The following CLVS1 variants were observed in gnomAD, a reference collection of about 807,000 sequenced individuals.
CLVS1 encodes clavesin 1, also known as clavesin-1.
In CLVS1, 10 loss-of-function variants were observed where a neutral mutation model predicts 33.1. The ratio of observed to expected loss-of-function variants is 0.30; its 90% CI spans 0.19 to 0.51. CLVS1 has a LOEUF of 0.51. Ranked by LOEUF, CLVS1 falls within the 20% of genes least tolerant of loss-of-function variation. The pLI is 0.97. For synonymous variants in CLVS1, 163 were observed against 166.1 expected, an observed-to-expected ratio of 0.98 and a Z score of 0.14; for missense variants, 343 against 433.4, an observed-to-expected ratio of 0.79 and a Z score of 1.85.
At chr8:61,079,535 T>C (rs1243866348) in intron 1 of CLVS1, among the ~76,000 whole-genome samples, 1 of 152,198 alleles carries the variant, frequency 6.6e-6, no homozygotes, top group Admixed American at 6.5e-5. Flanking sequence ...TCCAGGAACA[T>C]ACTGCCAGGA....
chr8:61,310,639 C>T (rs1810798951), intron 2 of CLVS1, among the ~76,000 whole-genome samples: 1 of 152,202 alleles, frequency 6.6e-6, no homozygotes, highest in African/African-American at 2.4e-5. Context: ...CTCACAGAAA[C>T]CTAGCGAACC....
At chr8:61,493,240 G>A (rs1804156686) in intron 5 of CLVS1, among the ~76,000 whole-genome samples, 1 of 152,102 alleles carries the variant, frequency 6.6e-6, no homozygotes, top group African/African-American at 2.4e-5. Context: ...ATTACATAAT[G>A]TGTCAGTACA....
the CLVS1 span, among the ~76,000 whole-genome samples, chr8:60,968,514 CAAAAAAA>C: frequency 7.8e-6 from 1 of 128,132 alleles, no homozygotes; most frequent in African/African-American, 2.9e-5. Context: ...GACTCCGTTT[CAAAAAAA>C]AAAAAAAAAT....
At chr8:61,352,431 A>G (rs1043553578) in intron 2 of CLVS1, among the ~76,000 whole-genome samples, 1 of 152,030 alleles carries the variant, frequency 6.6e-6, no homozygotes, top group Non-Finnish European at 1.5e-5. Flanking sequence ...GACTTAAGCC[A>G]TAACATAAAA....
At chr8:61,133,093 A>T (rs550236204) in intron 2 of CLVS1, among the ~76,000 whole-genome samples, 1 of 152,302 alleles carries the variant, frequency 6.6e-6, no homozygotes, top group East Asian at 1.9e-4. Flanking sequence ...CTGGAAATGC[A>T]TCTGGGAAGC....
In CLVS1 at chr8:61,419,922, G is replaced by A. The variant is rs56172796; in HGVS notation, c.631-34219G>A. Among the ~76,000 whole-genome samples the A allele has an allele frequency of 7.7e-3, 1,166 of 152,302 alleles. 19 individuals are homozygous for A. Among genetic ancestry groups the A allele is most frequent in the African/African-American group, 0.027 (1,118 of 41,560 alleles). ...ATTTCCTAACCCCTTGATATTTGCT[G>A]TTCACCTATTAGCATTATTAAATAA... On this transcript the variant is annotated intron_variant, in intron 3 of 5. Coordinates refer to ENST00000325897, the MANE Select transcript of CLVS1 (RefSeq NM_173519.3).
At chr8:61,146,240 A>G (rs1806412338) in intron 2 of CLVS1, among the ~76,000 whole-genome samples, 1 of 152,178 alleles carries the variant, frequency 6.6e-6, no homozygotes, top group South Asian at 2.1e-4. Context: ...CACTTTTTTA[A>G]AAGAGGGAAG....
At chr8:61,377,893 G>GTGGCTACATCATA (rs6150608) in intron 3 of CLVS1, 98,419 of 151,938 alleles carry the variant, frequency 0.65, 33,561 homozygotes, top group Non-Finnish European at 0.75. Context: ...ATTGTCCTGG[G>GTGGCTACATCATA]TAGTGTATTT....
chr8:61,340,024 G>A lies in CLVS1; in HGVS notation c.456-36581G>A, dbSNP rs1811967588. Among the ~76,000 whole-genome samples the A allele has an allele frequency of 1.5e-4, 18 of 120,710 alleles. 1 individual carries two copies. Among genetic ancestry groups the A allele is most frequent in the Admixed American group, 1.4e-3 (16 of 11,552 alleles). 79.2% of individuals were successfully genotyped at this position (120,710 alleles called of 152,430 possible). On this transcript the variant is annotated intron_variant, in intron 2 of 5. Transcript: ENST00000325897. ...AAAGAAAGGAAGAAAAAGAAAGAAA[G>A]GAAAAGAAAGAAAAAAGGAAGGAAA...
intron 2 of CLVS1, among the ~76,000 whole-genome samples, chr8:61,235,623 A>T (rs1808541264): frequency 6.6e-6 from 1 of 152,214 alleles, no homozygotes; most frequent in African/African-American, 2.4e-5. Context: ...AGTAGGGGAA[A>T]GGAGAGTTTT....
At chr8:60,996,495 A>G in the CLVS1 span, among the ~76,000 whole-genome samples, 2 of 152,258 alleles carry the variant, frequency 1.3e-5, no homozygotes, top group Non-Finnish European at 2.9e-5. Context: ...ACTTGGTTCC[A>G]GATATAAGAA....
intron 3 of CLVS1, among the ~76,000 whole-genome samples, chr8:61,415,199 A>G (rs1815383655): frequency 6.6e-6 from 1 of 152,176 alleles, no homozygotes; most frequent in South Asian, 2.1e-4. Flanking sequence ...GTTACTTCAC[A>G]TTGGACCCAC....
At chr8:61,494,692 C>T (rs1804208167) in intron 5 of CLVS1, among the ~76,000 whole-genome samples, 1 of 152,130 alleles carries the variant, frequency 6.6e-6, no homozygotes, top group Admixed American at 6.5e-5. Context: ...TCCCTGAGAG[C>T]ATTTTGAATC....
At chr8:61,426,095 T>C (rs966219728) in intron 3 of CLVS1, among the ~76,000 whole-genome samples, 2 of 152,196 alleles carry the variant, frequency 1.3e-5, no homozygotes, top group Non-Finnish European at 2.9e-5. Flanking sequence ...TGAAGAAGCC[T>C]GGCACGCTTC....
intron 4 of CLVS1, among the ~76,000 whole-genome samples, chr8:61,455,178 TTGTGTG>T (rs35160609): frequency 0.012 from 1,714 of 147,536 alleles, 36 homozygotes; most frequent in African/African-American, 0.04. Context: ...TAATTATGAT[TTGTGTG>T]TGTGTGTGTG....
intron 2 of CLVS1, among the ~76,000 whole-genome samples, chr8:61,263,127 C>T (rs1293777588): frequency 1.3e-5 from 2 of 152,246 alleles, no homozygotes; most frequent in East Asian, 3.9e-4. Context: ...ATGTCCCCGG[C>T]TAAGTATTCA....
intron 2 of CLVS1, among the ~76,000 whole-genome samples, chr8:61,255,483 T>C (rs1809058630): frequency 6.6e-6 from 1 of 152,208 alleles, no homozygotes; most frequent in Non-Finnish European, 1.5e-5. Context: ...AATTCTTGTC[T>C]GTATGTGTGT....
At chr8:61,397,645 T>G (rs1280849162) in intron 3 of CLVS1, among the ~76,000 whole-genome samples, 1 of 152,152 alleles carries the variant, frequency 6.6e-6, no homozygotes, top group Non-Finnish European at 1.5e-5. Context: ...GAGTTTTACA[T>G]TTAGATCTAT....
intron 3 of CLVS1, among the ~76,000 whole-genome samples, chr8:61,439,364 T>C (rs974090978): frequency 6.6e-6 from 1 of 152,216 alleles, no homozygotes; most frequent in African/African-American, 2.4e-5. Flanking sequence ...TAAACCCTTT[T>C]TAAGGTCACT....
Sources: allele counts gnomAD v4.1 joint callset (sites outside exome capture counted in the v4.1 genomes callset), GRCh38; gene constraint gnomAD v4.1.1; transcripts MANE v1.5; gene names NCBI Gene and HGNC (gene_info 2026-07-23, HGNC 2026-07-21).